Variants in KCTD19 observed in about 807,000 individuals in gnomAD.
KCTD19 encodes potassium channel tetramerization domain containing 19, also known as BTB/POZ domain-containing protein KCTD19.
In KCTD19, 67 loss-of-function variants were observed where a neutral mutation model predicts 103.5. That is an observed-to-expected ratio of 0.65 (90% CI 0.53 to 0.79). The LOEUF (loss-of-function observed/expected upper bound fraction) is 0.79. Ranked by LOEUF, KCTD19 falls within the 30% of genes least tolerant of loss-of-function variation. The pLI is 0.00. For missense variants in KCTD19, 980 were observed against 1,136.1 expected, an observed-to-expected ratio of 0.86 and a Z score of 1.98; for synonymous variants, 439 against 452.2, an observed-to-expected ratio of 0.97 and a Z score of 0.37.
intron 2 of KCTD19, among the ~76,000 whole-genome samples, chr16:67,308,392 T>C (rs2036916067): frequency 6.6e-6 from 1 of 151,964 alleles, no homozygotes; most frequent in Non-Finnish European, 1.5e-5. Context: ...CTCAAACTCC[T>C]TAGCTTAAAT....
chr16:67,326,560 C>A, intron 1 of KCTD19, 145 bp downstream of exon 1: 3 of 1,106,012 alleles, frequency 2.7e-6, no homozygotes, highest in South Asian at 2.8e-5. Context: ...AGCCAGCCCC[C>A]CAAATCCTTC....
chr16:67,303,107 T>A lies in KCTD19; in HGVS notation c.643+39A>T, dbSNP rs748956417. 1.1e-6 allele frequency: 1 copy of A among 897,596 alleles called. No homozygotes were observed. The highest frequency in any genetic ancestry group is 1.8e-6 in the Non-Finnish European group (1 of 562,966). The allele number at this position is 897,596 out of a possible 1,614,324, so 55.6% of individuals were successfully genotyped here. ...GATGGGGAGGGGTGAATGGGCCCTA[T>A]CAGCCCGCCCCCCACCCCACCCCGG... is the stretch of plus-strand genomic sequence containing the variant. On this transcript the variant is annotated intron_variant, in intron 4 of 15. Coordinates refer to ENST00000304372, the MANE Select transcript of KCTD19 (RefSeq NM_001100915.3). This position sits in a 1 kb window ranked among gnomAD's most constrained non-coding sequence, Gnocchi z 4.3.
chr16:67,310,658 G>A lies in KCTD19; in HGVS notation c.301-6087C>T, dbSNP rs189733998. Among the ~76,000 whole-genome samples the A allele has an allele frequency of 3.6e-4, 55 of 152,318 alleles. 1 individual carries two copies. In the East Asian group the frequency reaches 9.2e-3, roughly 26 times the overall value. ...AGAAGCAACATAAAACTGATGGCAC[G>A]GGGAAGTATGTGTATGTATGTGTGT... On this transcript the variant is annotated intron_variant, in intron 2 of 15. Coordinates refer to ENST00000304372, the MANE Select transcript of KCTD19 (RefSeq NM_001100915.3).
At chr16:67,326,660 G>T (rs1264602884) in intron 1 of KCTD19, 45 bp downstream of exon 1, 3 of 1,570,128 alleles carry the variant, frequency 1.9e-6, no homozygotes, top group African/African-American at 2.8e-5. Context: ...GCCCCCATTC[G>T]CCGCTTTGGT....
In KCTD19 at chr16:67,320,661, G is replaced by A. The variant is rs1220775572; in HGVS notation, c.228C>T (p.Ser76=). 1 of 1,614,216 alleles carries A rather than the reference G, an allele frequency of 6.2e-7. No individual in the cohort carries two copies. The highest frequency in any genetic ancestry group is 1.6e-4 in the Middle Eastern group (1 of 6,062). Residue 76 remains serine (S), a synonymous_variant, in exon 2 of 16, where the codon TCC becomes TCT. Coordinates refer to ENST00000304372, the MANE Select transcript of KCTD19 (RefSeq NM_001100915.3). This position sits in a 1 kb window ranked among gnomAD's most constrained non-coding sequence, Gnocchi z 4.0. ...AGTTCAGTTCTGCACAACTGGAGAA[G>A]GAGAGTTTGGAGGTGTAGAGGTAAT... The part of the protein sequence containing the change: ...VHYYLYTSKL[S]FSSCAELNLL...
chr16:67,295,390 A>C lies in KCTD19; in HGVS notation c.1264T>G (p.Ser422Ala), dbSNP rs1276319318. 1 of 1,612,910 alleles carries C rather than the reference A, an allele frequency of 6.2e-7. No homozygotes were observed. The highest frequency in any genetic ancestry group is 1.7e-5 in the Admixed American group (1 of 60,002). The change falls in exon 9 of 16, where the codon TCC becomes GCC. Residue 422 changes from serine to alanine, a missense_variant. Ser to Ala is a moderately conservative substitution (Grantham distance 99). Coordinates refer to ENST00000304372, the MANE Select transcript of KCTD19 (RefSeq NM_001100915.3). Reference sequence around the variant, plus strand: ...ATCCAGTACACTCTCTGAGGGTTGGACAGCAGTTCTGGATACTGGAGGGGG... The same window carrying C: ...ATCCAGTACACTCTCTGAGGGTTGGCCAGCAGTTCTGGATACTGGAGGGGG... The part of the protein sequence containing the change: ...QTLLKYPELL[S>A]NPQRVYWITY...
At chr16:67,297,692 AAC>A (rs1491442848) in intron 6 of KCTD19, 29 bp from the exon 7 acceptor site, 2 of 1,609,796 alleles carry the variant, frequency 1.2e-6, no homozygotes, top group Non-Finnish European at 1.7e-6. Context: ...TGTCATGAAG[AAC>A]ATCAGCATTG....
At chr16:67,307,588 T>C (rs1445454988) in intron 2 of KCTD19, among the ~76,000 whole-genome samples, 1 of 152,118 alleles carries the variant, frequency 6.6e-6, no homozygotes, top group Non-Finnish European at 1.5e-5. Flanking sequence ...AGTACTGGGA[T>C]TGCAGGCATG....
chr16:67,326,564 A>C, intron 1 of KCTD19, 141 bp downstream of exon 1: 1 of 1,141,206 alleles, frequency 8.8e-7, no homozygotes, highest in East Asian at 3.1e-5. Flanking sequence ...AGCCCCCCAA[A>C]TCCTTCCCGG....
rs557865981 is a variant in KCTD19, at chr16:67,294,069, C to T, written c.1693G>A (p.Glu565Lys). 5.6e-6 allele frequency: 9 copies of T among 1,614,196 alleles called. No homozygotes were observed. In the East Asian group the frequency reaches 1.1e-4, roughly 20 times the overall value. ...LVRSNQMDEA[E>K]QYTRPIQVSL... ...ACCTGGATGGGCCGAGTGTACTGCT[C>T]AGCCTCATCCATCTGGTTGGACCTG... Residue 565 changes from glutamate to lysine, a missense_variant, in exon 12 of 16, where the codon GAG becomes AAG. Glu to Lys is a moderately conservative substitution (Grantham distance 56). Coordinates refer to ENST00000304372, the MANE Select transcript of KCTD19 (RefSeq NM_001100915.3).
intron 5 of KCTD19, 105 bp downstream of exon 5, chr16:67,301,686 C>T: frequency 9.1e-7 from 1 of 1,093,516 alleles, no homozygotes; most frequent in Non-Finnish European, 1.3e-6. Flanking sequence ...AATCCTCTCA[C>T]TAACCCCCAA....
chr16:67,304,442 T>C lies in KCTD19; in HGVS notation c.430A>G (p.Ile144Val). The change falls in exon 3 of 16, where the codon ATT (isoleucine) becomes GTT (valine). Residue 144 changes from isoleucine to valine, a missense_variant. Coordinates refer to ENST00000304372, the MANE Select transcript of KCTD19 (RefSeq NM_001100915.3). ...TCACCTGTAAAGGCTGGGCTTTTAATTGGAAATTCTGAGGGTTTGCTAATA... is the reference window on the plus strand; with the variant it reads ...TCACCTGTAAAGGCTGGGCTTTTAACTGGAAATTCTGAGGGTTTGCTAATA... ...KCISKPSEFP[I>V]KSPAFTGLHD... 2 of 1,614,002 alleles carry C rather than the reference T, an allele frequency of 1.2e-6. No individual in the cohort carries two copies. Among genetic ancestry groups the C allele is most frequent in the East Asian group, 2.2e-5 (1 of 44,886 alleles).
At chr16:67,318,576 A>G (rs776309001) in intron 2 of KCTD19, among the ~76,000 whole-genome samples, 29 of 151,926 alleles carry the variant, frequency 1.9e-4, no homozygotes, top group Non-Finnish European at 2.6e-4. Flanking sequence ...AAAAAAAAAA[A>G]AAGAAGCTGC....
At chr16:67,315,881 T>C (rs1466791997) in intron 2 of KCTD19, among the ~76,000 whole-genome samples, 1 of 152,156 alleles carries the variant, frequency 6.6e-6, no homozygotes, top group Non-Finnish European at 1.5e-5. Flanking sequence ...CCCAAAGTGC[T>C]GGGATTATAG....
chr16:67,299,669 CCG>C, intron 5 of KCTD19, 96 bp from the exon 6 acceptor site: 4 of 945,402 alleles, frequency 4.2e-6, no homozygotes, highest in Non-Finnish European at 6.5e-6. Flanking sequence ...CTCCATTGTA[CCG>C]AGGAGGCTCA....
intron 1 of KCTD19, among the ~76,000 whole-genome samples, chr16:67,321,114 C>G (rs1029057453): frequency 6.6e-6 from 1 of 152,032 alleles, no homozygotes; most frequent in Non-Finnish European, 1.5e-5. Context: ...TGGCTTGAGA[C>G]CAGGAGTTTG....
In KCTD19 at chr16:67,309,583, G is replaced by C. The variant is rs114993842; in HGVS notation, c.301-5012C>G. On this transcript the variant is annotated intron_variant, in intron 2 of 15. Coordinates refer to ENST00000304372, the MANE Select transcript of KCTD19 (RefSeq NM_001100915.3). The stretch of plus-strand genomic sequence containing the variant: ...ACTCCAAGCCCATGCTCAGTGGACT[G>C]CATCACAGGAGCTTGAATCTGCCAC... Among the ~76,000 whole-genome samples the C allele has an allele frequency of 2.5e-3, 381 of 152,342 alleles. 3 individuals are homozygous for C. Among genetic ancestry groups the C allele is most frequent in the African/African-American group, 8.7e-3 (361 of 41,586 alleles).
intron 2 of KCTD19, among the ~76,000 whole-genome samples, chr16:67,311,784 T>C (rs1329163178): frequency 6.6e-6 from 1 of 151,952 alleles, no homozygotes; most frequent in East Asian, 1.9e-4. Context: ...TTTGTTGGGA[T>C]ATGAGCCAGC....
intron 1 of KCTD19, chr16:67,325,806 A>C (rs1454985957): frequency 6.6e-6 from 1 of 152,258 alleles, no homozygotes; most frequent in Non-Finnish European, 1.5e-5. Flanking sequence ...TGACTTCAGG[A>C]AACGGGGTAG....
Sources: allele counts gnomAD v4.1 joint callset (sites outside exome capture counted in the v4.1 genomes callset), GRCh38; gene constraint gnomAD v4.1.1; non-coding constraint Gnocchi (gnomAD v3.1); transcripts MANE v1.5; gene names NCBI Gene and HGNC (gene_info 2026-07-23, HGNC 2026-07-21).